Variants in TENM2 observed in about 807,000 individuals in gnomAD.
The protein encoded by TENM2 is teneurin-2.
TENM2 carries 52 observed loss-of-function variants against 245.2 expected under a neutral mutation model. The ratio of observed to expected loss-of-function variants is 0.21; its 90% CI spans 0.17 to 0.27. TENM2 has a LOEUF of 0.27. TENM2 is among the 10% of genes least tolerant of loss of function. The pLI, the probability that TENM2 is intolerant of heterozygous loss-of-function variation, is 1.00. For synonymous variants in TENM2, 1,363 were observed against 1,438.9 expected (o/e 0.95, Z 1.19); for missense variants, 3,046 against 3,666.8 (o/e 0.83, Z 4.37).
chr5:167,499,914 ATGTGTG>A (rs376503595), intron 2 of TENM2, among the ~76,000 whole-genome samples: 21 of 63,786 alleles, frequency 3.3e-4, no homozygotes, highest in African/African-American at 1.2e-3. Flanking sequence ...GAGGGTGTAT[ATGTGTG>A]TGTGTGTATG....
chr5:167,395,363 A>G (rs1033308954), intron 2 of TENM2, among the ~76,000 whole-genome samples: 1 of 152,114 alleles, frequency 6.6e-6, no homozygotes, highest in Non-Finnish European at 1.5e-5. Context: ...TGAATGGTTT[A>G]TCAGTTCTAA....
the TENM2 span, among the ~76,000 whole-genome samples, chr5:167,248,593 G>A: frequency 2.0e-5 from 3 of 152,204 alleles, no homozygotes; most frequent in Middle Eastern, 3.4e-3. Context: ...ATGACTTTTC[G>A]TGAATATCAG....
chr5:167,414,405 G>C (rs1763062084), intron 2 of TENM2, among the ~76,000 whole-genome samples: 1 of 152,078 alleles, frequency 6.6e-6, no homozygotes, highest in African/African-American at 2.4e-5. Context: ...ATTGGAATGA[G>C]GAATATTAGG....
intron 2 of TENM2, among the ~76,000 whole-genome samples, chr5:167,452,068 A>T (rs1274395731): frequency 6.6e-6 from 1 of 152,204 alleles, no homozygotes; most frequent in African/African-American, 2.4e-5. Flanking sequence ...CATTGCCTAC[A>T]TAGTTCTTTG....
At chr5:167,658,126 G>C (rs934866386) in intron 2 of TENM2, among the ~76,000 whole-genome samples, 3 of 152,026 alleles carry the variant, frequency 2.0e-5, no homozygotes, top group African/African-American at 7.2e-5. Flanking sequence ...CAATATCAAA[G>C]CAACAGCATT....
the TENM2 span, among the ~76,000 whole-genome samples, chr5:167,171,045 C>G: frequency 1.3e-5 from 2 of 152,166 alleles, no homozygotes; most frequent in Non-Finnish European, 2.9e-5. Context: ...TGTAGCTTCT[C>G]TCTCTGCATT....
At chr5:167,038,050 C>G in the TENM2 span, among the ~76,000 whole-genome samples, 1 of 152,180 alleles carries the variant, frequency 6.6e-6, no homozygotes, top group Non-Finnish European at 1.5e-5. Flanking sequence ...GAAGGCAGAA[C>G]AGGTACAGGA....
intron 1 of TENM2, among the ~76,000 whole-genome samples, chr5:167,334,554 A>G (rs1250581009): frequency 2.0e-5 from 3 of 152,192 alleles, no homozygotes; most frequent in Non-Finnish European, 4.4e-5. Flanking sequence ...TTCTCATTCA[A>G]TAGTGCATTT....
At chr5:167,196,428 C>G in the TENM2 span, among the ~76,000 whole-genome samples, 1 of 148,834 alleles carries the variant, frequency 6.7e-6, no homozygotes, top group African/African-American at 2.5e-5. Context: ...TCATTAACAG[C>G]TTTTAGTTAG....
intron 3 of TENM2, among the ~76,000 whole-genome samples, chr5:167,899,403 G>C (rs1775507207): frequency 6.6e-6 from 1 of 152,202 alleles, no homozygotes; most frequent in South Asian, 2.1e-4. Flanking sequence ...AAGTCATCAT[G>C]ATAGCATAGT....
intron 12 of TENM2, among the ~76,000 whole-genome samples, chr5:168,158,961 G>A (rs1463694136): frequency 3.5e-5 from 5 of 144,816 alleles, no homozygotes; most frequent in South Asian, 2.2e-4. Flanking sequence ...ATATATGTAC[G>A]TGTATACATA....
At chr5:168,105,023 A>G (rs1011954341) in intron 9 of TENM2, among the ~76,000 whole-genome samples, 1 of 152,200 alleles carries the variant, frequency 6.6e-6, no homozygotes, top group African/African-American at 2.4e-5. Context: ...GGTAACATAA[A>G]TGGGAGTCCA....
intron 1 of TENM2, among the ~76,000 whole-genome samples, chr5:167,331,913 T>C (rs1757482848): frequency 6.6e-6 from 1 of 152,170 alleles, no homozygotes; most frequent in South Asian, 2.1e-4. Flanking sequence ...TTAAATACTG[T>C]ATTTACGAAA....
At chr5:167,190,568 C>T in the TENM2 span, among the ~76,000 whole-genome samples, 6 of 152,084 alleles carry the variant, frequency 3.9e-5, no homozygotes, top group South Asian at 2.1e-4. Context: ...TGATGTAAAA[C>T]GGGTGTCTAA....
chr5:167,213,818 A>G, the TENM2 span, among the ~76,000 whole-genome samples: 1 of 152,198 alleles, frequency 6.6e-6, no homozygotes, highest in East Asian at 1.9e-4. Flanking sequence ...TTTACCTTTA[A>G]TTGCATGAGT....
chr5:167,115,455 G>T, the TENM2 span, among the ~76,000 whole-genome samples: 1 of 152,120 alleles, frequency 6.6e-6, no homozygotes, highest in Non-Finnish European at 1.5e-5. Context: ...GTCCCTCAGG[G>T]CCTCATCATT....
intron 5 of TENM2, among the ~76,000 whole-genome samples, chr5:168,008,589 C>T (rs745719431): frequency 6.6e-6 from 1 of 152,026 alleles, no homozygotes; most frequent in Admixed American, 6.5e-5. Context: ...GTTGGTGAGG[C>T]CCTGATGAAA....
chr5:167,075,047 C>A, the TENM2 span, among the ~76,000 whole-genome samples: 2 of 152,072 alleles, frequency 1.3e-5, no homozygotes, highest in Non-Finnish European at 2.9e-5. Context: ...GAACTCTAAC[C>A]AAGTGGTTAG....
In TENM2 at chr5:167,682,116, C is replaced by G. The variant is rs576783660; in HGVS notation, c.503-193870C>G. On this transcript the variant is annotated intron_variant, in intron 2 of 28. Transcript: ENST00000518659. Reference sequence around the variant, plus strand: ...TCCATCCCTCCCTCCCTCCCTCCCTCCCTCCCTCCCTGCCTGCCTGCCTGC... The same window carrying G: ...TCCATCCCTCCCTCCCTCCCTCCCTGCCTCCCTCCCTGCCTGCCTGCCTGC... Among the ~76,000 whole-genome samples the G allele has an allele frequency of 5.8e-3, 603 of 103,608 alleles. 7 individuals are homozygous for G. Among genetic ancestry groups the G allele is most frequent in the African/African-American group, 0.015 (402 of 26,358 alleles). The allele number at this position is 103,608 out of a possible 152,430, so 68.0% of individuals were successfully genotyped here. A position where few individuals can be genotyped will look rare whatever the true frequency, so the allele number is the denominator to read the frequency against.
Sources: gnomAD v4.1 joint callset for allele counts (sites outside exome capture counted in the v4.1 genomes callset) on GRCh38, gnomAD v4.1.1 for gene constraint, MANE v1.5 for transcripts, NCBI Gene and HGNC (gene_info 2026-07-23, HGNC 2026-07-21) for gene names.